Variants in LRP1B observed in about 807,000 individuals in gnomAD.
The protein encoded by LRP1B is LDL receptor related protein 1B.
Under a neutral mutation model 556.6 loss-of-function variants are expected in LRP1B, and 217 were observed. The ratio of observed to expected loss-of-function variants is 0.39; its 90% confidence interval spans 0.35 to 0.44. The LOEUF is 0.44. Among genes scored for constraint, LRP1B ranks in the 20% least tolerant of loss-of-function variants. The pLI, the probability that LRP1B is intolerant of heterozygous loss-of-function variation, is 1.00. For synonymous variants in LRP1B, 2,047 were observed against 1,865.8 expected, an observed-to-expected ratio of 1.10 and a Z score of -2.50; for missense variants, 5,053 against 5,620.8, an observed-to-expected ratio of 0.90 and a Z score of 3.23.
chr2:140,884,072 G>A (rs1315416559), intron 24 of LRP1B, 51 bp from the exon 25 acceptor site: 3 of 1,546,040 alleles, frequency 1.9e-6, no homozygotes, highest in Non-Finnish European at 2.7e-6. Flanking sequence ...ATTGTGTTAA[G>A]CACAAAGGAA....
chr2:140,859,342 G>A lies in LRP1B; in HGVS notation c.4580-7559C>T, dbSNP rs115700141. ...CCCTCATCCTTCAGGTTTTGTAAGT[G>A]ATACTTTGTCCTCTAAGGAGTGAAT... On this transcript the variant is annotated intron_variant, in intron 27 of 90. Coordinates refer to ENST00000389484, the MANE Select transcript of LRP1B (RefSeq NM_018557.3). Among the ~76,000 whole-genome samples the A allele has an allele frequency of 2.0e-3, 301 of 152,146 alleles. 2 individuals carry two copies. Among genetic ancestry groups the A allele is most frequent in the African/African-American group, 6.6e-3 (272 of 41,522 alleles).
intron 67 of LRP1B, among the ~76,000 whole-genome samples, chr2:140,385,122 T>G (rs2105196790): frequency 1.3e-5 from 2 of 152,118 alleles, no homozygotes; most frequent in South Asian, 2.1e-4. Flanking sequence ...GGTGGCATGC[T>G]TCCGTAGTCC....
At chr2:142,088,651 A>T (rs952062859) in intron 1 of LRP1B, among the ~76,000 whole-genome samples, 24 of 152,270 alleles carry the variant, frequency 1.6e-4, no homozygotes, top group African/African-American at 5.8e-4. Flanking sequence ...ATGTTTAATG[A>T]AACAGTCCAA....
intron 1 of LRP1B, among the ~76,000 whole-genome samples, chr2:142,102,350 T>C (rs564416705): frequency 1.3e-5 from 2 of 151,840 alleles, no homozygotes; most frequent in African/African-American, 4.8e-5. Context: ...GATTCCTCTA[T>C]TGAGTACTTC....
chr2:140,337,727 C>A (rs1402018403), intron 77 of LRP1B, among the ~76,000 whole-genome samples: 1 of 151,790 alleles, frequency 6.6e-6, no homozygotes, highest in Non-Finnish European at 1.5e-5. Flanking sequence ...TATCTATTTT[C>A]TGTTTGTGAG....
chr2:140,298,804 T>C (rs1295535314), intron 83 of LRP1B, among the ~76,000 whole-genome samples: 1 of 152,142 alleles, frequency 6.6e-6, no homozygotes, highest in African/African-American at 2.4e-5. Flanking sequence ...CTGCTCAGAC[T>C]GTCAAGGCCT....
intron 18 of LRP1B, among the ~76,000 whole-genome samples, chr2:140,979,168 G>A (rs188686642): frequency 1.3e-5 from 2 of 151,856 alleles, no homozygotes; most frequent in Non-Finnish European, 2.9e-5. Context: ...TAGTAGAGAT[G>A]GGGTTCTACC....
intron 2 of LRP1B, among the ~76,000 whole-genome samples, chr2:141,656,000 C>T (rs1440190584): frequency 6.6e-6 from 1 of 152,056 alleles, no homozygotes; most frequent in Non-Finnish European, 1.5e-5. Flanking sequence ...TACAGGTGAA[C>T]TCATTTAGTC....
At chr2:140,835,313 C>T (rs537485245) in intron 31 of LRP1B, among the ~76,000 whole-genome samples, 24 of 152,248 alleles carry the variant, frequency 1.6e-4, no homozygotes, top group African/African-American at 5.5e-4. Flanking sequence ...GGAAACTAAA[C>T]GTCTGACATT....
chr2:140,479,335 T>G (rs1022779133), intron 59 of LRP1B, among the ~76,000 whole-genome samples: 1 of 151,824 alleles, frequency 6.6e-6, no homozygotes, highest in African/African-American at 2.4e-5. Context: ...TAATTAAAGC[T>G]AAAAATGACA....
chr2:140,348,327 T>G (rs1681789133), intron 77 of LRP1B, among the ~76,000 whole-genome samples: 1 of 152,074 alleles, frequency 6.6e-6, no homozygotes, highest in Admixed American at 6.6e-5. Context: ...CTTTTATCAG[T>G]TTATCAGTGT....
chr2:140,876,265 G>C (rs776533163), intron 25 of LRP1B, among the ~76,000 whole-genome samples: 1 of 152,034 alleles, frequency 6.6e-6, no homozygotes, highest in African/African-American at 2.4e-5. Flanking sequence ...ACTTTGCTTT[G>C]AGCTATTGAC....
chr2:140,985,062 C>T (rs1366809), intron 17 of LRP1B, among the ~76,000 whole-genome samples: 4,081 of 152,096 alleles, frequency 0.027, 87 homozygotes, highest in Non-Finnish European at 0.04. Context: ...GTGGCAAATG[C>T]TTCTCTAAGG....
At position 140,488,664 on chromosome 2, in the gene LRP1B, T is replaced by C. The variant is rs115682509; in HGVS notation, c.9121-925A>G. Among the ~76,000 whole-genome samples the C allele has an allele frequency of 4.6e-3, 695 of 152,180 alleles. 6 individuals are homozygous for C. The highest frequency in any genetic ancestry group is 0.016 in the African/African-American group (677 of 41,564). On this transcript the variant is annotated intron_variant, in intron 57 of 90. Coordinates refer to ENST00000389484, the MANE Select transcript of LRP1B (RefSeq NM_018557.3). ...ACTACCTTAAGGACTGAGTAATTTATTAATATATACATTCTATTGATTAGA... is the reference window on the plus strand; with the variant it reads ...ACTACCTTAAGGACTGAGTAATTTACTAATATATACATTCTATTGATTAGA...
At chr2:140,788,904 A>G (rs1235819963) in intron 32 of LRP1B, among the ~76,000 whole-genome samples, 1 of 152,220 alleles carries the variant, frequency 6.6e-6, no homozygotes, top group African/African-American at 2.4e-5. Flanking sequence ...AAAAGAGACC[A>G]TAGTGATGTA....
At chr2:141,334,996 T>C (rs2683854) in intron 3 of LRP1B, among the ~76,000 whole-genome samples, 88,325 of 152,116 alleles carry the variant, frequency 0.58, 26,580 homozygotes, top group African/African-American at 0.68. Context: ...CTTTTTTCAG[T>C]TAACTCATTG....
chr2:140,810,322 A>G (rs771053691), intron 32 of LRP1B, among the ~76,000 whole-genome samples: 17 of 152,164 alleles, frequency 1.1e-4, no homozygotes, highest in Non-Finnish European at 2.2e-4. Context: ...ATACATTTGT[A>G]TATACTAATC....
chr2:142,086,633 A>AAAC (rs1284664002), intron 1 of LRP1B, among the ~76,000 whole-genome samples: 14 of 29,046 alleles, frequency 4.8e-4, no homozygotes, highest in South Asian at 2.7e-3. Flanking sequence ...ACAAACAAAC[A>AAAC]AACAAACAAA....
intron 21 of LRP1B, among the ~76,000 whole-genome samples, chr2:140,911,707 G>A (rs1694424693): frequency 6.6e-6 from 1 of 151,686 alleles, no homozygotes; most frequent in Non-Finnish European, 1.5e-5. Flanking sequence ...ATTGTATGAA[G>A]TCATTTGCAA....
Sources: gnomAD v4.1 joint callset for allele counts (sites outside exome capture counted in the v4.1 genomes callset) on GRCh38, gnomAD v4.1.1 for gene constraint, MANE v1.5 for transcripts, NCBI Gene and HGNC (gene_info 2026-07-23, HGNC 2026-07-21) for gene names.